The following CDKAL1 variants were observed in gnomAD, a reference collection of about 807,000 sequenced individuals.
CDKAL1 encodes CDKAL1 threonylcarbamoyladenosine tRNA methylthiotransferase.
In CDKAL1, 32 loss-of-function variants were observed where a neutral mutation model predicts 68.2. The ratio of observed to expected loss-of-function variants is 0.47; its 90% confidence interval spans 0.35 to 0.63. The LOEUF is 0.63. Among genes scored for constraint, CDKAL1 ranks in the 30% least tolerant of loss-of-function variants. The pLI is 0.00. For missense variants in CDKAL1, 606 were observed against 696.7 expected (o/e 0.87, Z 1.47); for synonymous variants, 234 against 244.3 (o/e 0.96, Z 0.39).
intron 6 of CDKAL1, among the ~76,000 whole-genome samples, chr6:20,748,725 A>G (rs1283746094): frequency 6.6e-6 from 1 of 151,970 alleles, no homozygotes; most frequent in Non-Finnish European, 1.5e-5. Flanking sequence ...TTTTTCAACA[A>G]GCCCACCAAG....
Position 21,012,825 on chromosome 6 carries a change from C to T in CDKAL1, c.1055+12453C>T, listed in dbSNP as rs187609334. Among the ~76,000 whole-genome samples, 12 of 152,238 alleles carry T rather than the reference C, an allele frequency of 7.9e-5. No homozygotes were observed. The East Asian group carries it at 1.9e-3, about 25-fold the overall frequency. On this transcript the variant is annotated intron_variant, in intron 11 of 15. Transcript: ENST00000274695. ...TGAGTGGGTTCTAATACTTCCTTCT[C>T]GTACCAGCATGAGCCCCGGCAATTG...
intron 11 of CDKAL1, among the ~76,000 whole-genome samples, chr6:21,040,506 T>C (rs1334621824): frequency 6.6e-6 from 1 of 150,864 alleles, no homozygotes; most frequent in Non-Finnish European, 1.5e-5. Context: ...TAATAGGTTA[T>C]TACCAATTAG....
rs553757868 is a variant in CDKAL1 at position 21,141,057 on chromosome 6, A to G, written c.1299+32594A>G. On this transcript the variant is annotated intron_variant, in intron 13 of 15. Coordinates refer to ENST00000274695, the MANE Select transcript of CDKAL1 (RefSeq NM_017774.3). ...CATCACCTCCCCCTGGGTCCCTCCC[A>G]CAACACATGGGAATTCTGGGAGTTA... is the stretch of plus-strand genomic sequence containing the variant. 7.2e-5 allele frequency among the ~76,000 whole-genome samples: 11 copies of G among 152,230 alleles called. No homozygotes were observed. In the South Asian group the frequency reaches 1.9e-3, roughly 26 times the overall value.
chr6:21,109,902 G>T (rs887922833), intron 13 of CDKAL1, among the ~76,000 whole-genome samples: 1 of 152,154 alleles, frequency 6.6e-6, no homozygotes, highest in Non-Finnish European at 1.5e-5. Flanking sequence ...TTTTAAATTC[G>T]CAGTTAAGGG....
intron 6 of CDKAL1, among the ~76,000 whole-genome samples, chr6:20,752,513 A>G (rs1316597130): frequency 6.6e-6 from 1 of 152,166 alleles, no homozygotes; most frequent in Non-Finnish European, 1.5e-5. Context: ...ACACAGACAC[A>G]GACACACTCT....
At chr6:20,859,431 C>A (rs907669952) in intron 9 of CDKAL1, among the ~76,000 whole-genome samples, 2 of 152,130 alleles carry the variant, frequency 1.3e-5, no homozygotes. Context: ...AAAAGAACTG[C>A]GGAATAGGAG....
intron 10 of CDKAL1, among the ~76,000 whole-genome samples, chr6:20,971,760 C>A (rs1186586766): frequency 6.6e-6 from 1 of 152,176 alleles, no homozygotes; most frequent in Non-Finnish European, 1.5e-5. Flanking sequence ...GAATCGTGAT[C>A]ATTCCATTCA....
At chr6:20,908,614 CAG>C (rs1297037483) in intron 9 of CDKAL1, among the ~76,000 whole-genome samples, 2 of 152,006 alleles carry the variant, frequency 1.3e-5, no homozygotes, top group Non-Finnish European at 2.9e-5. Flanking sequence ...TACGTGGAAA[CAG>C]TGAAGCATTT....
chr6:20,648,514 TC>T (rs1561995492), intron 4 of CDKAL1, among the ~76,000 whole-genome samples: 1 of 151,098 alleles, frequency 6.6e-6, no homozygotes, highest in Non-Finnish European at 1.5e-5. Context: ...GAATCTTTCT[TC>T]CTAGGTGGAG....
chr6:20,685,543 G>T (rs145458027), intron 5 of CDKAL1, among the ~76,000 whole-genome samples: 2 of 152,238 alleles, frequency 1.3e-5, no homozygotes, highest in African/African-American at 4.8e-5. Context: ...AAAATAACTT[G>T]CTGGGATTTT....
chr6:21,034,260 G>A (rs915190772), intron 11 of CDKAL1, among the ~76,000 whole-genome samples: 1 of 152,122 alleles, frequency 6.6e-6, no homozygotes, highest in African/African-American at 2.4e-5. Context: ...GGAAGATACA[G>A]AAGATGAAGA....
At chr6:20,849,392 A>G (rs942343377) in intron 9 of CDKAL1, among the ~76,000 whole-genome samples, 4 of 151,952 alleles carry the variant, frequency 2.6e-5, no homozygotes, top group Non-Finnish European at 5.9e-5. Context: ...GACCATCCTA[A>G]CTAACACAGT....
chr6:20,713,094 T>C (rs1352166294), intron 5 of CDKAL1, among the ~76,000 whole-genome samples: 1 of 152,204 alleles, frequency 6.6e-6, no homozygotes, highest in Non-Finnish European at 1.5e-5. Context: ...AAGTGTTTAT[T>C]AGAACAAAAA....
At chr6:20,884,192 T>C (rs1336640287) in intron 9 of CDKAL1, among the ~76,000 whole-genome samples, 1 of 152,102 alleles carries the variant, frequency 6.6e-6, no homozygotes, top group Non-Finnish European at 1.5e-5. Context: ...ATATAGCACA[T>C]TAATGTAACA....
chr6:21,061,267 A>G (rs979771287), intron 11 of CDKAL1, among the ~76,000 whole-genome samples: 7 of 152,106 alleles, frequency 4.6e-5, no homozygotes, highest in African/African-American at 1.7e-4. Context: ...CTATTTAATA[A>G]GCCCATTTTG....
chr6:21,026,688 C>T (rs532884223), intron 11 of CDKAL1, among the ~76,000 whole-genome samples: 1 of 151,998 alleles, frequency 6.6e-6, no homozygotes, highest in Non-Finnish European at 1.5e-5. Context: ...ATACATTTTC[C>T]AGGAATTCAT....
intron 13 of CDKAL1, among the ~76,000 whole-genome samples, chr6:21,119,727 G>C (rs73383744): frequency 0.011 from 1,613 of 152,158 alleles, 23 homozygotes; most frequent in African/African-American, 0.036. Flanking sequence ...CAATTTCTTA[G>C]GGGTTCTTGC....
rs1769313930 is a variant in CDKAL1 at position 20,662,146 on chromosome 6, C to A, written c.371+12769C>A. ...TTGCTCTAAGAGTGACAAACATAATCTTTCATAATTTTTAGTCAGTAGTAT... is the reference window on the plus strand; with the variant it reads ...TTGCTCTAAGAGTGACAAACATAATATTTCATAATTTTTAGTCAGTAGTAT... On this transcript the variant is annotated intron_variant, in intron 5 of 15. Coordinates refer to ENST00000274695, the MANE Select transcript of CDKAL1 (RefSeq NM_017774.3). Among the ~76,000 whole-genome samples the A allele has an allele frequency of 2.0e-5, 3 of 151,972 alleles. No homozygotes were observed. In the South Asian group the frequency reaches 6.2e-4, roughly 32 times the overall value.
chr6:21,169,462 C>A (rs1777285503), intron 13 of CDKAL1, among the ~76,000 whole-genome samples: 1 of 152,134 alleles, frequency 6.6e-6, no homozygotes, highest in Admixed American at 6.5e-5. Context: ...TGGCGAAACC[C>A]TGTCTCTACC....
Sources: gnomAD v4.1 joint callset for allele counts (sites outside exome capture counted in the v4.1 genomes callset) on GRCh38, gnomAD v4.1.1 for gene constraint, MANE v1.5 for transcripts, NCBI Gene and HGNC (gene_info 2026-07-23, HGNC 2026-07-21) for gene names.